Variants in ZMYM2 observed in about 807,000 individuals in gnomAD.
ZMYM2 encodes zinc finger MYM-type containing 2.
In ZMYM2, 56 loss-of-function variants were observed where a neutral mutation model predicts 162.8. The ratio of observed to expected loss-of-function variants is 0.34; its 90% CI spans 0.28 to 0.43. The LOEUF (loss-of-function observed/expected upper bound fraction) is 0.43. Among genes scored for constraint, ZMYM2 ranks in the 20% least tolerant of loss-of-function variants. The probability of loss-of-function intolerance (pLI) is 1.00; values close to 1 mark genes in which losing one functional copy is unlikely to be tolerated. For missense variants in ZMYM2, 1,275 were observed against 1,621.8 expected (o/e 0.79, Z 3.67); for synonymous variants, 510 against 541.6 (o/e 0.94, Z 0.81).
chr13:20,059,022 GT>G (rs1347824829), intron 15 of ZMYM2: 1 of 428,690 alleles, frequency 2.3e-6, no homozygotes, highest in African/African-American at 2.0e-5. Context: ...TTTGCATGTG[GT>G]TTGTAATGGT....
At chr13:20,023,595 A>G (rs1952306483) in intron 7 of ZMYM2, among the ~76,000 whole-genome samples, 1 of 152,110 alleles carries the variant, frequency 6.6e-6, no homozygotes, top group Non-Finnish European at 1.5e-5. Context: ...ATCTTGTTTC[A>G]CTTGGTTCTA....
chr13:19,945,797 A>G, the ZMYM2 span, among the ~76,000 whole-genome samples: 1 of 151,922 alleles, frequency 6.6e-6, no homozygotes, highest in African/African-American at 2.4e-5. Flanking sequence ...AAATACAAAA[A>G]AATTAGCCGT....
At chr13:20,037,797 A>T (rs1259955724) in intron 12 of ZMYM2, among the ~76,000 whole-genome samples, 1 of 152,164 alleles carries the variant, frequency 6.6e-6, no homozygotes, top group African/African-American at 2.4e-5. Flanking sequence ...ATATAGGTAA[A>T]TTTAGGTCAT....
At chr13:19,919,663 A>G in the ZMYM2 span, among the ~76,000 whole-genome samples, 1 of 134,926 alleles carries the variant, frequency 7.4e-6, no homozygotes, top group Non-Finnish European at 1.6e-5. Flanking sequence ...GTCTCTTTAT[A>G]TGTTTTTTTT....
chr13:19,880,670 C>T, the ZMYM2 span, among the ~76,000 whole-genome samples: 833 of 152,122 alleles, frequency 5.5e-3, 4 homozygotes, highest in Non-Finnish European at 9.6e-3. Flanking sequence ...CTCAGGCGAT[C>T]CACCCGCCTT....
At chr13:20,068,602 G>A (rs1566446102) in intron 21 of ZMYM2, among the ~76,000 whole-genome samples, 1 of 152,132 alleles carries the variant, frequency 6.6e-6, no homozygotes, top group Admixed American at 6.5e-5. Context: ...AGATCCATGT[G>A]TGTATTTTCC....
At chr13:19,915,180 C>T in the ZMYM2 span, among the ~76,000 whole-genome samples, 3 of 152,244 alleles carry the variant, frequency 2.0e-5, no homozygotes, top group East Asian at 3.9e-4. Context: ...AGGCTGGTGT[C>T]GAACTCCCGA....
intron 2 of ZMYM2, among the ~76,000 whole-genome samples, chr13:19,980,692 G>C (rs1377669955): frequency 4.2e-5 from 6 of 141,536 alleles, no homozygotes; most frequent in African/African-American, 1.6e-4. Context: ...GGTGAAGTTT[G>C]CAGTGAGCCA....
Position 20,067,449 on chromosome 13 carries a change from C to G in ZMYM2, c.3453+59C>G, listed in dbSNP as rs1003903497. 13 of 1,473,878 alleles carry G rather than the reference C, an allele frequency of 8.8e-6. No homozygotes were observed. The South Asian group carries it at 1.8e-4, about 20-fold the overall frequency. 91.3% of individuals were successfully genotyped at this position (1,473,878 alleles called of 1,614,324 possible). ...ATTAATAAGAAAAGTTGTGGTAGTTCTTGTTTCTGTAGCATTATGGAACCT... is the reference window on the plus strand; with the variant it reads ...ATTAATAAGAAAAGTTGTGGTAGTTGTTGTTTCTGTAGCATTATGGAACCT... On this transcript the variant is annotated intron_variant, in intron 21 of 24. Coordinates refer to ENST00000610343, the MANE Select transcript of ZMYM2 (RefSeq NM_197968.4).
chr13:20,008,568 TG>T (rs1382495659), intron 6 of ZMYM2, among the ~76,000 whole-genome samples: 1 of 152,242 alleles, frequency 6.6e-6, no homozygotes, highest in Non-Finnish European at 1.5e-5. Context: ...GGATAAGAGG[TG>T]GCACTGCCAT....
At chr13:20,083,254 G>A (rs1454597224) in intron 23 of ZMYM2, among the ~76,000 whole-genome samples, 5 of 152,116 alleles carry the variant, frequency 3.3e-5, no homozygotes, top group African/African-American at 1.2e-4. Context: ...TAGAGACAGG[G>A]TTTCTCCATG....
chr13:19,915,286 G>C, the ZMYM2 span, among the ~76,000 whole-genome samples: 170 of 152,000 alleles, frequency 1.1e-3, no homozygotes, highest in African/African-American at 4.0e-3. Context: ...AAAAGAGATA[G>C]ATCTCACTAT....
chr13:20,033,854 G>A (rs1165750446), intron 10 of ZMYM2, among the ~76,000 whole-genome samples: 1 of 152,154 alleles, frequency 6.6e-6, no homozygotes, highest in Non-Finnish European at 1.5e-5. Flanking sequence ...ATGTGATGGA[G>A]CCTACTTGTT....
the ZMYM2 span, among the ~76,000 whole-genome samples, chr13:19,882,693 G>T: frequency 3.3e-5 from 5 of 152,120 alleles, no homozygotes; most frequent in Non-Finnish European, 7.4e-5. Context: ...ACTGTAGTGA[G>T]CTGTGATTGT....
At chr13:20,037,213 A>ATTTTTTTT (rs754909177) in intron 12 of ZMYM2, among the ~76,000 whole-genome samples, 6 of 90,386 alleles carry the variant, frequency 6.6e-5, no homozygotes, top group Admixed American at 1.3e-4. Flanking sequence ...ACTAAGTAGA[A>ATTTTTTTT]TTTTTTTTTT....
chr13:19,959,521 G>A (rs897090176), intron 1 of ZMYM2, among the ~76,000 whole-genome samples: 2 of 152,194 alleles, frequency 1.3e-5, no homozygotes, highest in African/African-American at 4.8e-5. Flanking sequence ...TCAGGCCCAG[G>A]GCAACTGCTT....
chr13:19,910,287 T>C, the ZMYM2 span, among the ~76,000 whole-genome samples: 2 of 152,130 alleles, frequency 1.3e-5, no homozygotes. Flanking sequence ...GCAGAGATTC[T>C]GCATTTAGTG....
chr13:19,994,647 G>A (rs1288023662), intron 3 of ZMYM2, among the ~76,000 whole-genome samples: 2 of 151,846 alleles, frequency 1.3e-5, no homozygotes, highest in Admixed American at 6.6e-5. Context: ...CCACCACCAC[G>A]CATGGCTAAT....
chr13:20,029,453 A>G (rs1952876409), intron 9 of ZMYM2, among the ~76,000 whole-genome samples: 1 of 152,226 alleles, frequency 6.6e-6, no homozygotes, highest in African/African-American at 2.4e-5. Context: ...TTGAAAGACT[A>G]GTTAACTTTA....
Sources: gnomAD v4.1 joint callset for allele counts (sites outside exome capture counted in the v4.1 genomes callset) on GRCh38, gnomAD v4.1.1 for gene constraint, MANE v1.5 for transcripts, NCBI Gene and HGNC (gene_info 2026-07-23, HGNC 2026-07-21) for gene names.